The following ZNF385C variants were observed in gnomAD, a reference collection of about 807,000 sequenced individuals.
The protein encoded by ZNF385C is zinc finger protein 385C.
In ZNF385C, 28 loss-of-function variants were observed where a neutral mutation model predicts 35.4. That is an observed-to-expected ratio of 0.79 (90% CI 0.59 to 1.08). The LOEUF (loss-of-function observed/expected upper bound fraction) is 1.08, where lower values mean the gene tolerates loss of function less well. Among genes scored for constraint, ZNF385C ranks in the 50% least tolerant of loss-of-function variants. The probability of loss-of-function intolerance (pLI) is 0.00; values close to 1 mark genes in which losing one functional copy is unlikely to be tolerated. For missense variants in ZNF385C, 605 were observed against 595.6 expected, an observed-to-expected ratio of 1.02 and a Z score of -0.16; for synonymous variants, 248 against 248.2, an observed-to-expected ratio of 1.00 and a Z score of 0.01.
At chr17:42,081,516 A>C (rs182844734) in intron 1 of ZNF385C, among the ~76,000 whole-genome samples, 14 of 152,306 alleles carry the variant, frequency 9.2e-5, no homozygotes, top group African/African-American at 3.4e-4. Flanking sequence ...CTGGGATTAC[A>C]GGTGCCTGCC....
intron 1 of ZNF385C, among the ~76,000 whole-genome samples, chr17:42,075,715 C>T (rs554623008): frequency 7.2e-5 from 11 of 152,190 alleles, no homozygotes; most frequent in South Asian, 2.1e-4. Context: ...AGGATGGTCT[C>T]GATCTCCTGA....
At chr17:42,060,655 C>T (rs1453983450) in intron 2 of ZNF385C, among the ~76,000 whole-genome samples, 1 of 152,226 alleles carries the variant, frequency 6.6e-6, no homozygotes, top group African/African-American at 2.4e-5. Context: ...TCTTTGTCTC[C>T]AGTATCCACG....
chr17:42,058,389 C>T (rs868991004), intron 2 of ZNF385C, among the ~76,000 whole-genome samples: 4 of 152,236 alleles, frequency 2.6e-5, no homozygotes, highest in African/African-American at 9.6e-5. Context: ...GGCATGGCGC[C>T]CCGGACACTG....
intron 2 of ZNF385C, among the ~76,000 whole-genome samples, chr17:42,060,315 C>T (rs149012951): frequency 2.8e-4 from 43 of 152,276 alleles, no homozygotes; most frequent in African/African-American, 9.1e-4. Context: ...TATGTACCCT[C>T]GAGCCAGAGA....
Position 42,026,678 on chromosome 17 carries a change from C to A in ZNF385C, c.*219G>T. On this transcript the variant is annotated 3_prime_UTR_variant, in exon 9 of 9. Coordinates refer to ENST00000692273, the MANE Select transcript of ZNF385C (RefSeq NM_001392013.1). ...TTGGGGTCTGTCAGGGTGGGAAATG[C>A]AGGCAAGCCTAGGATTAACCCTGGA... is the stretch of plus-strand genomic sequence containing the variant. 1.7e-6 allele frequency: 1 copy of A among 595,884 alleles called. No homozygotes were observed. Among genetic ancestry groups the A allele is most frequent in the South Asian group, 2.0e-5 (1 of 50,352 alleles). The allele number at this position is 595,884 out of a possible 1,614,324, so 36.9% of individuals were successfully genotyped here. A position where few individuals can be genotyped will look rare whatever the true frequency, so the allele number is the denominator to read the frequency against.
chr17:42,056,310 T>G (rs1234576788), intron 2 of ZNF385C, among the ~76,000 whole-genome samples: 3 of 152,102 alleles, frequency 2.0e-5, no homozygotes, highest in Non-Finnish European at 4.4e-5. Flanking sequence ...GGCAGAGGAG[T>G]GGCCATGGGT....
chr17:42,040,235 T>G (rs1555655978), intron 2 of ZNF385C: 1 of 1,231,412 alleles, frequency 8.1e-7, no homozygotes, highest in East Asian at 3.2e-5. Context: ...TGTAGGCCCT[T>G]CCGCATGGAG....
At position 42,096,214 on chromosome 17, in the gene ZNF385C, T is replaced by C. The variant is rs567579406; in HGVS notation, c.-3+2196A>G. 2.0e-5 allele frequency among the ~76,000 whole-genome samples: 3 copies of C among 152,288 alleles called. No homozygotes were observed. In the East Asian group the frequency reaches 5.8e-4, roughly 29 times the overall value. ...CCCCTGCAAATAGCTGTCCCTTCAC[T>C]GTCCGTAGGGGTGCACACACTATTG... On this transcript the variant is annotated intron_variant, in intron 1 of 8. Transcript: ENST00000692273.
chr17:42,078,383 A>G (rs1443526465), intron 1 of ZNF385C, among the ~76,000 whole-genome samples: 1 of 151,714 alleles, frequency 6.6e-6, no homozygotes, highest in Non-Finnish European at 1.5e-5. Context: ...CTCTACCATG[A>G]TCCAGAAACA....
chr17:42,029,118 G>C (rs1555654736), intron 5 of ZNF385C, 45 bp from the exon 6 acceptor site: 1 of 1,521,532 alleles, frequency 6.6e-7, no homozygotes, highest in Non-Finnish European at 8.8e-7. Flanking sequence ...TGACGCTGCA[G>C]ACCACGATCT....
At chr17:42,034,704 A>G (rs1162290260) in intron 3 of ZNF385C, among the ~76,000 whole-genome samples, 1 of 150,256 alleles carries the variant, frequency 6.7e-6, no homozygotes, top group African/African-American at 2.5e-5. Flanking sequence ...GAATTGCTTG[A>G]ACCAGGGAGA....
At chr17:42,051,673 C>T (rs1429971752) in intron 2 of ZNF385C, among the ~76,000 whole-genome samples, 1 of 152,160 alleles carries the variant, frequency 6.6e-6, no homozygotes, top group Non-Finnish European at 1.5e-5. Context: ...ACCCAGTCTC[C>T]CCTTCCAGAC....
intron 2 of ZNF385C, among the ~76,000 whole-genome samples, chr17:42,054,827 C>T (rs1164829349): frequency 1.3e-5 from 2 of 152,120 alleles, no homozygotes; most frequent in Admixed American, 1.3e-4. Flanking sequence ...AATGATCCAC[C>T]TGCCTTGGCC....
chr17:42,081,357 T>A (rs376809921), intron 1 of ZNF385C, among the ~76,000 whole-genome samples: 2 of 152,062 alleles, frequency 1.3e-5, no homozygotes, highest in African/African-American at 4.8e-5. Context: ...CTGAGCAGCC[T>A]TGGAAAATTC....
intron 2 of ZNF385C, among the ~76,000 whole-genome samples, chr17:42,043,765 C>T (rs1279568396): frequency 6.6e-6 from 1 of 152,060 alleles, no homozygotes; most frequent in Non-Finnish European, 1.5e-5. Context: ...GGTATGGGGA[C>T]CCCAGCCCCC....
chr17:42,029,456 T>C (rs1218683203), intron 5 of ZNF385C, among the ~76,000 whole-genome samples: 1 of 152,200 alleles, frequency 6.6e-6, no homozygotes, highest in Admixed American at 6.5e-5. Flanking sequence ...CGGTGGCTCA[T>C]GTCTGTAATC....
intron 2 of ZNF385C, chr17:42,041,015 C>T: frequency 2.4e-6 from 3 of 1,232,376 alleles, no homozygotes; most frequent in African/African-American, 1.5e-5. Context: ...TGTAGCTCCA[C>T]ACTGCCCAGG....
chr17:42,032,382 A>T (rs1373675517), intron 4 of ZNF385C, among the ~76,000 whole-genome samples: 1 of 152,068 alleles, frequency 6.6e-6, no homozygotes, highest in Non-Finnish European at 1.5e-5. Context: ...TTAGGCAAGT[A>T]ACATCTCTCT....
chr17:42,068,915 C>G (rs556457921), intron 1 of ZNF385C, among the ~76,000 whole-genome samples: 447 of 152,036 alleles, frequency 2.9e-3, no homozygotes, highest in Non-Finnish European at 4.2e-3. Flanking sequence ...GGTTGTGCAG[C>G]CTCTATCAGG....
Sources: allele counts gnomAD v4.1 joint callset (sites outside exome capture counted in the v4.1 genomes callset), GRCh38; gene constraint gnomAD v4.1.1; transcripts MANE v1.5; gene names NCBI Gene and HGNC (gene_info 2026-07-23, HGNC 2026-07-21).